The following SLC9A7 variants were observed in gnomAD, a reference collection of about 807,000 sequenced individuals.
SLC9A7 encodes the protein solute carrier family 9 member A7.
In SLC9A7, 19 loss-of-function variants were observed where a neutral mutation model predicts 52.6. The observed-to-expected ratio is 0.36, with a 90% CI of 0.25 to 0.53. The LOEUF (loss-of-function observed/expected upper bound fraction) is 0.53. SLC9A7 is among the 20% of genes least tolerant of loss of function. The probability of loss-of-function intolerance (pLI) is 0.91; values close to 1 mark genes in which losing one functional copy is unlikely to be tolerated. For synonymous variants in SLC9A7, 226 were observed against 252.1 expected (o/e 0.90, Z 0.98); for missense variants, 455 against 597.9 (o/e 0.76, Z 2.49).
chrX:46,735,220 T>C (rs1424882063), intron 1 of SLC9A7, among the ~76,000 whole-genome samples: 1 of 111,979 alleles, frequency 8.9e-6, no homozygotes, highest in Non-Finnish European at 1.9e-5. Context: ...TCCTCTTTTT[T>C]CTGCTTTCTC....
chrX:46,757,807 A>C (rs949284344), intron 1 of SLC9A7, among the ~76,000 whole-genome samples: 1 of 111,109 alleles, frequency 9.0e-6, no homozygotes, highest in Non-Finnish European at 1.9e-5. Context: ...GCTGACATCC[A>C]TGTAATAAAG....
At chrX:46,705,713 A>G (rs1486870647) in intron 1 of SLC9A7, among the ~76,000 whole-genome samples, 1 of 112,175 alleles carries the variant, frequency 8.9e-6, no homozygotes, top group Non-Finnish European at 1.9e-5. Context: ...GCATGCACCT[A>G]TAGTTCCATC....
intron 3 of SLC9A7, 40 bp downstream of exon 3, chrX:46,679,638 G>T (rs949885909): frequency 1.0e-6 from 1 of 990,392 alleles, no homozygotes; most frequent in Admixed American, 2.5e-5. Context: ...TTAACACAGA[G>T]ATTCACATGA....
intron 1 of SLC9A7, among the ~76,000 whole-genome samples, chrX:46,718,677 C>A (rs1273764844): frequency 8.9e-6 from 1 of 112,213 alleles, no homozygotes; most frequent in African/African-American, 3.2e-5. Flanking sequence ...ATTTATGCAG[C>A]CAACAGACAC....
intron 7 of SLC9A7, among the ~76,000 whole-genome samples, chrX:46,655,166 G>C (rs1048908898): frequency 2.8e-5 from 3 of 109,062 alleles, no homozygotes; most frequent in Non-Finnish European, 5.7e-5. Flanking sequence ...TGTATTTTTA[G>C]TAGAGACAGG....
At chrX:46,646,831 A>T in intron 11 of SLC9A7, 1 of 332,974 alleles carries the variant, frequency 3.0e-6, no homozygotes, top group South Asian at 3.3e-5. Context: ...TAATCTGGGG[A>T]ACTATTTCTT....
chrX:46,758,589 GGAAACGTAAAA>G, intron 1 of SLC9A7, 105 bp downstream of exon 1: 1 of 440,020 alleles, frequency 2.3e-6, no homozygotes. Context: ...CGTCGCAGCG[GGAAACGTAAAA>G]GAAACGGAAC....
chrX:46,644,398 G>T (rs749690857), intron 11 of SLC9A7, among the ~76,000 whole-genome samples: 2 of 112,271 alleles, frequency 1.8e-5, no homozygotes, highest in Non-Finnish European at 3.8e-5. Context: ...CATTTTGGGA[G>T]GCCAAGGTGG....
intron 1 of SLC9A7, among the ~76,000 whole-genome samples, chrX:46,696,340 T>C (rs1219635336): frequency 2.7e-5 from 3 of 110,859 alleles, no homozygotes; most frequent in Non-Finnish European, 5.7e-5. Flanking sequence ...TAAAATATTC[T>C]TAAAGCACAG....
At chrX:46,614,016 C>G (rs1942902896) in intron 15 of SLC9A7, among the ~76,000 whole-genome samples, 1 of 111,992 alleles carries the variant, frequency 8.9e-6, no homozygotes, top group African/African-American at 3.3e-5. Flanking sequence ...CACAGCTTCT[C>G]TCCTAGACGC....
At chrX:46,624,718 GA>G (rs1280757467) in intron 14 of SLC9A7, among the ~76,000 whole-genome samples, 4 of 111,852 alleles carry the variant, frequency 3.6e-5, no homozygotes. Context: ...TTGTTTGGGG[GA>G]AAAAAACGCC....
At chrX:46,672,905 G>A (rs906326488) in intron 3 of SLC9A7, among the ~76,000 whole-genome samples, 1 of 112,324 alleles carries the variant, frequency 8.9e-6, no homozygotes, top group Non-Finnish European at 1.9e-5. Flanking sequence ...CATTAAGTGT[G>A]TGTATATGTT....
chrX:46,623,946 C>T (rs187863804), intron 14 of SLC9A7, among the ~76,000 whole-genome samples: 245 of 111,776 alleles, frequency 2.2e-3, no homozygotes, highest in Middle Eastern at 4.6e-3. Context: ...GAACTTTTAG[C>T]CCCATCCCAA....
At position 46,726,797 on chromosome X, in the gene SLC9A7, T is replaced by C. The variant is rs191180830; in HGVS notation, c.325+31908A>G. The stretch of plus-strand genomic sequence containing the variant: ...CTACCCAAGTCTACAGCTACTTGTG[T>C]CCCTCATCCACACAGGTCACGTATG... On this transcript the variant is annotated intron_variant, in intron 1 of 16. Coordinates refer to ENST00000616978, the MANE Select transcript of SLC9A7 (RefSeq NM_001257291.2). Among the ~76,000 whole-genome samples the C allele has an allele frequency of 2.3e-4, 26 of 111,606 alleles. No individual in the cohort carries two copies. In the East Asian group the frequency reaches 6.8e-3, roughly 29 times the overall value.
chrX:46,738,749 G>T lies in SLC9A7; in HGVS notation c.325+19956C>A, dbSNP rs199752369. The stretch of plus-strand genomic sequence containing the variant: ...CATGCCACTCCACTCCAGCCTGGGC[G>T]ACAGAGCAAGACTCCATCTCAAAAA... On this transcript the variant is annotated intron_variant, in intron 1 of 16. Transcript: ENST00000616978. Among the ~76,000 whole-genome samples, 4 of 106,314 alleles carry T rather than the reference G, an allele frequency of 3.8e-5. No individual in the cohort carries two copies. The East Asian group carries it at 1.2e-3, about 31-fold the overall frequency. 92.3% of individuals were successfully genotyped at this position (106,314 alleles called of 115,157 possible). A position where few individuals can be genotyped will look rare whatever the true frequency, so the allele number is the denominator to read the frequency against.
At chrX:46,749,632 C>A (rs941270892) in intron 1 of SLC9A7, among the ~76,000 whole-genome samples, 1 of 111,957 alleles carries the variant, frequency 8.9e-6, no homozygotes, top group Middle Eastern at 4.2e-3. Flanking sequence ...TGGAGTGTGA[C>A]CTTTGGGCTG....
chrX:46,711,953 C>T (rs2146938744), intron 1 of SLC9A7, among the ~76,000 whole-genome samples: 1 of 108,378 alleles, frequency 9.2e-6, no homozygotes, highest in East Asian at 2.9e-4. Flanking sequence ...CACTGATATC[C>T]TATTGGCCAA....
Position 46,604,360 on chromosome X carries a change from T to C in SLC9A7, c.*2592A>G, listed in dbSNP as rs576526477. On this transcript the variant is annotated 3_prime_UTR_variant, in exon 17 of 17. Transcript: ENST00000616978. ...GCATTTTTCAAACTTCCAAAGCCCA[T>C]GGATGACCATAAAATCAAAATGGAC... The C allele has an allele frequency of 7.1e-4, 80 of 112,086 alleles. 1 individual carries two copies. The highest frequency in any genetic ancestry group is 2.4e-3 in the African/African-American group (75 of 30,787). 9.2% of individuals were successfully genotyped at this position (112,086 alleles called of 1,213,427 possible).
chrX:46,747,731 T>G (rs952767903), intron 1 of SLC9A7, among the ~76,000 whole-genome samples: 1 of 111,713 alleles, frequency 9.0e-6, no homozygotes, highest in Non-Finnish European at 1.9e-5. Flanking sequence ...GGCAAAGAAT[T>G]TGAATAGACA....
Sources: allele counts gnomAD v4.1 joint callset (sites outside exome capture counted in the v4.1 genomes callset), GRCh38; gene constraint gnomAD v4.1.1; transcripts MANE v1.5; gene names NCBI Gene and HGNC (gene_info 2026-07-23, HGNC 2026-07-21).